The following PXDNL variants were observed in gnomAD, a reference collection of about 807,000 sequenced individuals.
The protein encoded by PXDNL is probable oxidoreductase PXDNL.
In PXDNL, 145 loss-of-function variants were observed where a neutral mutation model predicts 150.8. The ratio of observed to expected loss-of-function variants is 0.96; its 90% CI spans 0.84 to 1.10. The LOEUF (loss-of-function observed/expected upper bound fraction) is 1.10. Among genes scored for constraint, PXDNL ranks in the 50% least tolerant of loss-of-function variants. PXDNL has a pLI of 0.00. For missense variants in PXDNL, 2,087 were observed against 1,873.9 expected, an observed-to-expected ratio of 1.11 and a Z score of -2.10; for synonymous variants, 757 against 725.7, an observed-to-expected ratio of 1.04 and a Z score of -0.69.
chr8:51,610,237 A>T (rs1034242649), intron 2 of PXDNL, among the ~76,000 whole-genome samples: 3 of 152,178 alleles, frequency 2.0e-5, no homozygotes, highest in Admixed American at 1.3e-4. Flanking sequence ...GCCATTTGGG[A>T]CTAACTGGGC....
intron 1 of PXDNL, among the ~76,000 whole-genome samples, chr8:51,771,121 T>C (rs779944954): frequency 2.0e-5 from 3 of 152,180 alleles, no homozygotes; most frequent in Non-Finnish European, 2.9e-5. Flanking sequence ...GACCTACAGT[T>C]TGATTTTCAA....
intron 2 of PXDNL, among the ~76,000 whole-genome samples, chr8:51,646,149 G>A (rs1814915589): frequency 6.6e-6 from 1 of 152,140 alleles, no homozygotes; most frequent in African/African-American, 2.4e-5. Flanking sequence ...TTAATGTTAA[G>A]TGAAGTCTTA....
chr8:51,457,267 AAGG>A (rs1468590449), intron 9 of PXDNL, among the ~76,000 whole-genome samples: 1 of 152,200 alleles, frequency 6.6e-6, no homozygotes, highest in Non-Finnish European at 1.5e-5. Flanking sequence ...GGGGAATCAA[AAGG>A]AGAATAGAAA....
rs538953692 is a variant in PXDNL at position 51,761,224 on chromosome 8, C to T, written c.164+47957G>A. ...TCCTTGAACTGAATGAGAGGCATTACTTGATATTTACAAACAGCAGGGTTC... is the reference window on the plus strand; with the variant it reads ...TCCTTGAACTGAATGAGAGGCATTATTTGATATTTACAAACAGCAGGGTTC... On this transcript the variant is annotated intron_variant, in intron 1 of 22. Transcript: ENST00000356297. Among the ~76,000 whole-genome samples, 17 of 151,994 alleles carry T rather than the reference C, an allele frequency of 1.1e-4. No homozygotes were observed. In the East Asian group the frequency reaches 3.1e-3, roughly 28 times the overall value.
intron 19 of PXDNL, among the ~76,000 whole-genome samples, chr8:51,365,831 T>C (rs1294034106): frequency 2.0e-5 from 3 of 152,246 alleles, no homozygotes; most frequent in African/African-American, 7.2e-5. Context: ...AACAAAATTA[T>C]GGGAGATCAT....
chr8:51,335,534 C>A (rs546211882), intron 21 of PXDNL, among the ~76,000 whole-genome samples: 2 of 152,292 alleles, frequency 1.3e-5, no homozygotes, highest in Admixed American at 6.5e-5. Flanking sequence ...GAATCTCTAA[C>A]TTCTTTTATT....
chr8:51,447,081 T>C lies in PXDNL; in HGVS notation c.1448A>G (p.Gln483Arg), dbSNP rs1394587720. ...GACTGCTTGACATTCATATTGGCCT[T>C]GATCGTGCTGTGCTGCACGGTCAAT... The part of the protein sequence containing the change: ...LRIDRAAQHD[Q>R]GQYECQAVSS... The change falls in exon 12 of 23, where the codon CAA becomes CGA. Residue 483 changes from glutamine to arginine, a missense_variant. Transcript: ENST00000356297. 6.2e-7 allele frequency: 1 copy of C among 1,614,020 alleles called. No homozygotes were observed. Among genetic ancestry groups the C allele is most frequent in the African/African-American group, 1.3e-5 (1 of 75,050 alleles).
chr8:51,396,719 T>C (rs1001779020), intron 17 of PXDNL, among the ~76,000 whole-genome samples: 1 of 152,152 alleles, frequency 6.6e-6, no homozygotes, highest in African/African-American at 2.4e-5. Context: ...GATTGCACCA[T>C]TGCATTCCAG....
intron 6 of PXDNL, among the ~76,000 whole-genome samples, chr8:51,480,383 A>G (rs558060092): frequency 6.6e-6 from 1 of 152,290 alleles, no homozygotes; most frequent in Admixed American, 6.5e-5. Context: ...GAGGAGCAGA[A>G]GCAGGCACTT....
At chr8:51,729,622 T>C (rs1816879961) in intron 1 of PXDNL, among the ~76,000 whole-genome samples, 1 of 152,238 alleles carries the variant, frequency 6.6e-6, no homozygotes, top group Admixed American at 6.5e-5. Flanking sequence ...TCTTGCCATA[T>C]AATCCAGCAT....
intron 1 of PXDNL, among the ~76,000 whole-genome samples, chr8:51,690,999 C>A (rs1815984901): frequency 6.6e-6 from 1 of 152,012 alleles, no homozygotes; most frequent in African/African-American, 2.4e-5. Context: ...TATCCTTTGC[C>A]CACTTTTTGA....
intron 1 of PXDNL, among the ~76,000 whole-genome samples, chr8:51,760,774 T>C (rs374914860): frequency 6.6e-6 from 1 of 151,936 alleles, no homozygotes; most frequent in East Asian, 1.9e-4. Context: ...GTAATACTTG[T>C]GTGCTTTAGT....
chr8:51,520,237 G>A (rs1366604589), intron 4 of PXDNL, among the ~76,000 whole-genome samples: 1 of 152,178 alleles, frequency 6.6e-6, no homozygotes, highest in African/African-American at 2.4e-5. Context: ...CGGCCAGAGG[G>A]CAATAGTGAA....
At chr8:51,703,459 G>C (rs150963945) in intron 1 of PXDNL, among the ~76,000 whole-genome samples, 2 of 152,208 alleles carry the variant, frequency 1.3e-5, no homozygotes, top group African/African-American at 4.8e-5. Context: ...CAGTACAATC[G>C]TATCTTTGCC....
chr8:51,665,653 C>T (rs1231076613), intron 1 of PXDNL, among the ~76,000 whole-genome samples: 2 of 152,174 alleles, frequency 1.3e-5, no homozygotes, highest in African/African-American at 2.4e-5. Context: ...ACTTATGGCT[C>T]ATAATTGGCG....
chr8:51,512,150 G>A (rs1030132083), intron 4 of PXDNL, among the ~76,000 whole-genome samples: 2 of 152,154 alleles, frequency 1.3e-5, no homozygotes, highest in Admixed American at 6.5e-5. Context: ...TTTTGAAAAC[G>A]GAACAAGTAT....
At chr8:51,431,768 C>A (rs1809252737) in intron 12 of PXDNL, among the ~76,000 whole-genome samples, 1 of 152,182 alleles carries the variant, frequency 6.6e-6, no homozygotes, top group Non-Finnish European at 1.5e-5. Context: ...CATCTTAGGT[C>A]CACGCTCAGA....
intron 4 of PXDNL, among the ~76,000 whole-genome samples, chr8:51,506,117 C>T (rs1368686680): frequency 1.3e-5 from 2 of 152,196 alleles, no homozygotes; most frequent in East Asian, 3.9e-4. Context: ...GTGCTAAAGT[C>T]AATAACAGTG....
intron 5 of PXDNL, among the ~76,000 whole-genome samples, chr8:51,487,555 C>T (rs745961536): frequency 3.2e-4 from 49 of 152,124 alleles, no homozygotes; most frequent in Non-Finnish European, 6.0e-4. Flanking sequence ...CATACTTTAA[C>T]GAAAGCACTC....
Sources: allele counts gnomAD v4.1 joint callset (sites outside exome capture counted in the v4.1 genomes callset), GRCh38; gene constraint gnomAD v4.1.1; transcripts MANE v1.5; gene names NCBI Gene and HGNC (gene_info 2026-07-23, HGNC 2026-07-21).